The following MAP3K12 variants were observed in gnomAD, a reference collection of about 807,000 sequenced individuals.
MAP3K12 encodes mitogen-activated protein kinase kinase kinase 12.
Under a neutral mutation model 87.5 loss-of-function variants are expected in MAP3K12, and 14 were observed. That is an observed-to-expected ratio of 0.16 (90% CI 0.11 to 0.25). MAP3K12 has a LOEUF of 0.25. MAP3K12 is among the 10% of genes least tolerant of loss of function. The probability of loss-of-function intolerance (pLI) is 1.00; values close to 1 mark genes in which losing one functional copy is unlikely to be tolerated. For missense variants in MAP3K12, 802 were observed against 1,140.4 expected (o/e 0.70, Z 4.27); for synonymous variants, 469 against 452.5 (o/e 1.04, Z -0.46).
At chr12:53,498,966 GT>G (rs1943608570) in intron 1 of MAP3K12, among the ~76,000 whole-genome samples, 1 of 42,962 alleles carries the variant, frequency 2.3e-5, no homozygotes, top group Admixed American at 2.7e-4. Context: ...GTGTGTGTGT[GT>G]GTGTGTGTGT....
At chr12:53,496,352 C>G (rs1245408196) in intron 1 of MAP3K12, among the ~76,000 whole-genome samples, 1 of 152,214 alleles carries the variant, frequency 6.6e-6, no homozygotes. Flanking sequence ...GCCTGATTTT[C>G]TGCACCCCAT....
At position 53,486,710 on chromosome 12, in the gene MAP3K12, CTT is replaced by C; in HGVS notation, c.446-90_446-89del. ...GATAGCATTGGGTTGGCTGAATTGA[CTT>C]AAGGAGGGTGAGGCAGAAAGCCAAA... On this transcript the variant is annotated intron_variant, in intron 2 of 13. Transcript: ENST00000547488. This position sits in a 1 kb window ranked among gnomAD's most constrained non-coding sequence, Gnocchi z 4.9. 1.4e-6 allele frequency: 2 copies of C among 1,462,170 alleles called. No homozygotes were observed. The highest frequency in any genetic ancestry group is 1.8e-6 in the Non-Finnish European group (2 of 1,112,036). 90.6% of individuals were successfully genotyped at this position (1,462,170 alleles called of 1,614,324 possible).
chr12:53,484,323 C>T lies in MAP3K12; in HGVS notation c.1182G>A (p.Leu394=), dbSNP rs199687123. The T allele has an allele frequency of 8.5e-5, 137 of 1,614,180 alleles. 2 individuals carry two copies. In the Middle Eastern group the frequency reaches 4.8e-3, roughly 56 times the overall value. Residue 394 remains leucine (L), a synonymous_variant, in exon 7 of 14, where the codon CTG becomes CTA. Coordinates refer to ENST00000547488, the MANE Select transcript of MAP3K12 (RefSeq NM_001193511.2). ...CAGCTGAGGCAATGTCCAGATGCAGCAGGATCTGTCGGAATGATGGGCGAT... is the reference window on the plus strand; with the variant it reads ...CAGCTGAGGCAATGTCCAGATGCAGTAGGATCTGTCGGAATGATGGGCGAT... The part of the protein sequence containing the change: ...PRNRPSFRQI[L]LHLDIASADV...
chr12:53,501,244 A>G (rs1204236491), upstream of MAP3K12: 6 of 705,336 alleles, frequency 8.5e-6, no homozygotes, highest in Non-Finnish European at 1.4e-5. Context: ...CTCCAGATGG[A>G]GGCTCACGAA....
chr12:53,487,723 T>C lies in MAP3K12; in HGVS notation c.-37-295A>G, dbSNP rs1943271136. 3.5e-5 allele frequency: 9 copies of C among 258,282 alleles called. No homozygotes were observed. In the Admixed American group the frequency reaches 4.4e-4, roughly 13 times the overall value. 16.0% of individuals were successfully genotyped at this position (258,282 alleles called of 1,614,324 possible). On this transcript the variant is annotated intron_variant, in intron 1 of 13. Transcript: ENST00000547488. ...CCCACGTGGGTACACACTGGTAAAA[T>C]ATGTCTCAAATTCAAGAGTAATGGT... is the stretch of plus-strand genomic sequence containing the variant.
Position 53,483,339 on chromosome 12 carries a change from C to T in MAP3K12, c.1613+10G>A, listed in dbSNP as rs1378373197. ...CTTGCCATATTGGAACCACAGTACTCATGTCCCACCTTTTGCTATGGGGTG... is the reference window on the plus strand; with the variant it reads ...CTTGCCATATTGGAACCACAGTACTTATGTCCCACCTTTTGCTATGGGGTG... On this transcript the variant is annotated intron_variant, in intron 10 of 13. Coordinates refer to ENST00000547488, the MANE Select transcript of MAP3K12 (RefSeq NM_001193511.2). The T allele has an allele frequency of 6.2e-7, 1 of 1,613,208 alleles. No individual in the cohort carries two copies. Among genetic ancestry groups the T allele is most frequent in the Admixed American group, 1.7e-5 (1 of 59,948 alleles).
intron 13 of MAP3K12, 170 bp downstream of exon 13, chr12:53,481,771 C>T (rs886433630): frequency 3.5e-5 from 26 of 747,160 alleles, no homozygotes; most frequent in Admixed American, 2.4e-4. Flanking sequence ...GGTCAGGCAT[C>T]GTAATAGATG....
chr12:53,495,870 A>AC (rs1943538275), intron 1 of MAP3K12, among the ~76,000 whole-genome samples: 1 of 152,070 alleles, frequency 6.6e-6, no homozygotes, highest in Admixed American at 6.6e-5. Context: ...AAGCCCTGAG[A>AC]CCCCTAGCTG....
chr12:53,498,290 G>A (rs1253216022), intron 1 of MAP3K12, among the ~76,000 whole-genome samples: 1 of 152,136 alleles, frequency 6.6e-6, no homozygotes, highest in Non-Finnish European at 1.5e-5. Context: ...AGCTTGGTAG[G>A]ACCCTCTGGC....
Position 53,485,469 on chromosome 12 carries a change from T to G in MAP3K12, c.828A>C (p.Leu276=). The part of the protein sequence containing the change: ...IHRDLKSPNM[L]ITYDDVVKIS... ...TCTTCACCACATCGTCGTAGGTGAT[T>G]AGCATGCTGGTAAAGAGTGTAGTCA... The change falls in exon 5 of 14, where the codon CTA becomes CTC. Residue 276 remains leucine, a synonymous_variant. Transcript: ENST00000547488. 7 of 1,613,792 alleles carry G rather than the reference T, an allele frequency of 4.3e-6. No individual in the cohort carries two copies. The highest frequency in any genetic ancestry group is 5.1e-6 in the Non-Finnish European group (6 of 1,179,762).
intron 1 of MAP3K12, among the ~76,000 whole-genome samples, chr12:53,490,910 C>T (rs893790530): frequency 6.6e-6 from 1 of 151,920 alleles, no homozygotes; most frequent in Non-Finnish European, 1.5e-5. Context: ...GACCTTGTCA[C>T]AAAAGAAAAA....
intron 1 of MAP3K12, among the ~76,000 whole-genome samples, chr12:53,495,901 GCA>G (rs1943538961): frequency 6.6e-6 from 1 of 152,162 alleles, no homozygotes; most frequent in Non-Finnish European, 1.5e-5. Context: ...AGTGGGGTGG[GCA>G]GTGAAGGGGT....
At chr12:53,491,860 G>C (rs886677719) in intron 1 of MAP3K12, among the ~76,000 whole-genome samples, 2 of 151,678 alleles carry the variant, frequency 1.3e-5, no homozygotes, top group African/African-American at 4.8e-5. Context: ...GATCGCTTGA[G>C]CTCGGGAGTT....
Position 53,487,039 on chromosome 12 carries a change from C to T in MAP3K12, c.353G>A (p.Ser118Asn), listed in dbSNP as rs1943245223. 4 of 1,614,164 alleles carry T rather than the reference C, an allele frequency of 2.5e-6. 1 individual carries two copies. In the South Asian group the frequency reaches 3.3e-5, roughly 13 times the overall value. Residue 118 changes from serine (S) to asparagine (N), a missense_variant, in exon 2 of 14, where the codon AGT (serine) becomes AAT (asparagine). Ser to Asn is a conservative substitution (Grantham distance 46). Around this residue, in one of 5 missense-constraint regions of MAP3K12, gnomAD observed 135 missense variants for 151.6 expected, o/e 0.89. Transcript: ENST00000547488. ...GCCAAAGAGGCCCTCAAGGAAGCCACTGCCACTCTGGCACTGCAGTCGCAC... is the reference window on the plus strand; with the variant it reads ...GCCAAAGAGGCCCTCAAGGAAGCCATTGCCACTCTGGCACTGCAGTCGCAC... Reference protein sequence around the residue: ...DEVRLQCQSGSGFLEGLFGCL... With the variant: ...DEVRLQCQSGNGFLEGLFGCL...
chr12:53,487,548 C>T, intron 1 of MAP3K12, 120 bp from the exon 2 acceptor site: 2 of 975,278 alleles, frequency 2.1e-6, no homozygotes, highest in Non-Finnish European at 3.0e-6. Context: ...CTGGAGGTAA[C>T]ACTTGTGGCT....
At position 53,480,859 on chromosome 12, in the gene MAP3K12, CTAT is replaced by C. The variant is rs1466399928; in HGVS notation, c.*320_*322del. ...CTCCCACCGCCCCTCCCCCCACCCC[CTAT>C]TATTTGGGGATAAAGAATATAAAGA... On this transcript the variant is annotated 3_prime_UTR_variant, in exon 14 of 14. Transcript: ENST00000547488. 1 of 152,270 alleles carries C rather than the reference CTAT, an allele frequency of 6.6e-6. No individual in the cohort carries two copies. Among genetic ancestry groups the C allele is most frequent in the Non-Finnish European group, 1.5e-5 (1 of 68,182 alleles). 9.4% of individuals were successfully genotyped at this position (152,270 alleles called of 1,614,324 possible).
In MAP3K12 at chr12:53,483,596, G is replaced by C. The variant is rs1412035838; in HGVS notation, c.1475+11C>G. 1 of 1,613,822 alleles carries C rather than the reference G, an allele frequency of 6.2e-7. No homozygotes were observed. Among genetic ancestry groups the C allele is most frequent in the African/African-American group, 1.3e-5 (1 of 74,922 alleles). On this transcript the variant is annotated intron_variant, in intron 9 of 13. Transcript: ENST00000547488. Reference sequence around the variant, plus strand: ...CTCCAGGGCTTGGTGCATAAGGACAGGTAGGGTTACCTGAGCAGCTCCCTC... The same window carrying C: ...CTCCAGGGCTTGGTGCATAAGGACACGTAGGGTTACCTGAGCAGCTCCCTC...
At position 53,480,515 on chromosome 12, in the gene MAP3K12, T is replaced by A. The variant is rs1352275221; in HGVS notation, c.*667A>T. 3 of 152,504 alleles carry A rather than the reference T, an allele frequency of 2.0e-5. No homozygotes were observed. Among genetic ancestry groups the A allele is most frequent in the African/African-American group, 4.8e-5 (2 of 41,360 alleles). The allele number at this position is 152,504 out of a possible 1,614,324, so 9.4% of individuals were successfully genotyped here. ...GCTGGGCCTGCATGGAGTGTTATAT[T>A]TCAAGGTTTTTCACAGGGGTTACAG... is the stretch of plus-strand genomic sequence containing the variant. On this transcript the variant is annotated 3_prime_UTR_variant, in exon 14 of 14. Coordinates refer to ENST00000547488, the MANE Select transcript of MAP3K12 (RefSeq NM_001193511.2).
Position 53,486,412 on chromosome 12 carries a change from A to G in MAP3K12, c.629+27T>C, listed in dbSNP as rs942424188. The stretch of plus-strand genomic sequence containing the variant: ...ACCAGGCCTTAGCATAGTATCCCCA[A>G]CACCCAGCCCCTGCCCTGGACCTCA... On this transcript the variant is annotated intron_variant, in intron 3 of 13. Coordinates refer to ENST00000547488, the MANE Select transcript of MAP3K12 (RefSeq NM_001193511.2). This position sits in a 1 kb window ranked among gnomAD's most constrained non-coding sequence, Gnocchi z 4.9. The G allele has an allele frequency of 1.9e-6, 3 of 1,611,566 alleles. No homozygotes were observed. Among genetic ancestry groups the G allele is most frequent in the African/African-American group, 1.3e-5 (1 of 74,904 alleles).
Sources: gnomAD v4.1 joint callset for allele counts (sites outside exome capture counted in the v4.1 genomes callset) on GRCh38, gnomAD v4.1.1 for gene constraint, gnomAD v4.1.1 regional missense constraint, Gnocchi (gnomAD v3.1) non-coding constraint, MANE v1.5 for transcripts, NCBI Gene and HGNC (gene_info 2026-07-23, HGNC 2026-07-21) for gene names.